The following NF1 variants were observed in gnomAD, a reference collection of about 807,000 sequenced individuals.
NF1 encodes the protein neurofibromin 1.
Under a neutral mutation model 325.7 loss-of-function variants are expected in NF1, and 122 were observed. The ratio of observed to expected loss-of-function variants is 0.37; its 90% confidence interval spans 0.32 to 0.44. The LOEUF (loss-of-function observed/expected upper bound fraction) is 0.44, where lower values mean the gene tolerates loss of function less well. Among genes scored for constraint, NF1 ranks in the 20% least tolerant of loss-of-function variants. The pLI is 1.00. For missense variants in NF1, 2,140 were observed against 3,415.4 expected (o/e 0.63, Z 9.31); for synonymous variants, 1,091 against 1,186.0 (o/e 0.92, Z 1.65).
intron 48 of NF1, among the ~76,000 whole-genome samples, chr17:31,348,138 G>C (rs1432573112): frequency 1.3e-5 from 1 of 78,972 alleles, no homozygotes; most frequent in Non-Finnish European, 2.7e-5. Flanking sequence ...AGTCTGATAT[G>C]AGGAAGGAAA....
intron 36 of NF1, chr17:31,318,307 CCTAT>C: frequency 1.2e-6 from 2 of 1,604,096 alleles, no homozygotes; most frequent in Non-Finnish European, 8.5e-7. Flanking sequence ...TCTTCACTAA[CCTAT>C]CTGTTTGTTA....
chr17:31,251,200 C>T (rs1206842189), intron 30 of NF1: 1 of 203,340 alleles, frequency 4.9e-6, no homozygotes. Context: ...TTTTCTTGCC[C>T]CTTTGCCTTT....
intron 36 of NF1, among the ~76,000 whole-genome samples, chr17:31,291,493 A>G (rs570810520): frequency 6.6e-6 from 1 of 152,332 alleles, no homozygotes; most frequent in Admixed American, 6.5e-5. Context: ...AAGATTGGCA[A>G]TAGTGGGCAT....
intron 13 of NF1, among the ~76,000 whole-genome samples, chr17:31,218,303 G>C (rs916835774): frequency 6.6e-6 from 1 of 152,114 alleles, no homozygotes; most frequent in East Asian, 1.9e-4. Flanking sequence ...ATGGGAATTC[G>C]TGGTTTTTGT....
At chr17:31,221,710 T>G in intron 14 of NF1, 140 bp from the exon 15 acceptor site, 1 of 659,710 alleles carries the variant, frequency 1.5e-6, no homozygotes, top group South Asian at 1.8e-5. Flanking sequence ...TTCTCTCTTT[T>G]TACCTTTTAC....
intron 12 of NF1, among the ~76,000 whole-genome samples, chr17:31,210,254 T>C (rs1361990158): frequency 6.6e-6 from 1 of 152,144 alleles, no homozygotes; most frequent in Non-Finnish European, 1.5e-5. Context: ...GCAGAATGAA[T>C]GAAGGAATGA....
chr17:31,108,590 A>G (rs766660259), intron 1 of NF1, among the ~76,000 whole-genome samples: 6 of 152,156 alleles, frequency 3.9e-5, no homozygotes, highest in Non-Finnish European at 7.4e-5. Context: ...GAGATGTTAT[A>G]AATTAATCCT....
chr17:31,275,149 A>G (rs188926429), intron 36 of NF1, among the ~76,000 whole-genome samples: 53 of 152,320 alleles, frequency 3.5e-4, no homozygotes, highest in African/African-American at 1.2e-3. Context: ...CCAACTTTGT[A>G]TCTTTGTGCA....
intron 36 of NF1, among the ~76,000 whole-genome samples, chr17:31,283,743 G>T (rs149921858): frequency 6.6e-6 from 1 of 152,052 alleles, no homozygotes; most frequent in Non-Finnish European, 1.5e-5. Context: ...CCACCTTGGC[G>T]TCCCAAAGTG....
At chr17:31,327,439 G>T in intron 37 of NF1, 60 bp from the exon 38 acceptor site, 1 of 1,377,818 alleles carries the variant, frequency 7.3e-7, no homozygotes, top group Non-Finnish European at 1.0e-6. Context: ...GAGCCTTTTA[G>T]AATTTTATGT....
chr17:31,352,595 G>A (rs1431030967), intron 51 of NF1, among the ~76,000 whole-genome samples, 181 bp downstream of exon 51: 1 of 152,142 alleles, frequency 6.6e-6, no homozygotes, highest in African/African-American at 2.4e-5. Flanking sequence ...TTGAGATAGA[G>A]AAATGAGAAT....
intron 15 of NF1, among the ~76,000 whole-genome samples, chr17:31,223,215 CAT>C (rs1172712859): frequency 1.3e-5 from 2 of 152,100 alleles, no homozygotes; most frequent in Non-Finnish European, 2.9e-5. Context: ...TTTAATGAAA[CAT>C]AGGGGGCTTA....
chr17:31,351,099 A>G (rs2070130397), intron 50 of NF1, among the ~76,000 whole-genome samples: 2 of 151,718 alleles, frequency 1.3e-5, no homozygotes, highest in African/African-American at 4.9e-5. Flanking sequence ...TTACTTTGAG[A>G]TATGCCCTTT....
intron 57 of NF1, among the ~76,000 whole-genome samples, chr17:31,372,255 G>T (rs940592556): frequency 6.6e-6 from 1 of 151,990 alleles, no homozygotes; most frequent in South Asian, 2.1e-4. Context: ...CCAGCCCTAC[G>T]CCCTCTCCCC....
chr17:31,325,078 C>A (rs2069307832), intron 36 of NF1, among the ~76,000 whole-genome samples: 1 of 152,110 alleles, frequency 6.6e-6, no homozygotes, highest in Non-Finnish European at 1.5e-5. Context: ...TGGTTTTAAG[C>A]AACATATGAC....
chr17:31,109,647 G>A (rs756463366), intron 1 of NF1, among the ~76,000 whole-genome samples: 1 of 152,050 alleles, frequency 6.6e-6, no homozygotes, highest in Non-Finnish European at 1.5e-5. Context: ...GCCTCCCAAA[G>A]TGCTAGGATT....
intron 4 of NF1, among the ~76,000 whole-genome samples, chr17:31,164,972 A>G (rs564604780): frequency 6.6e-6 from 1 of 152,320 alleles, no homozygotes; most frequent in South Asian, 2.1e-4. Context: ...AGGAGGGTGG[A>G]AAATTGTATT....
In NF1 at chr17:31,350,233, A is replaced by G; in HGVS notation, c.7372A>G (p.Arg2458Gly). ...EVRSRCSLKH[R>G]KSLLLTDISM... ...TCGAAGTCGCTGCAGCCTAAAACAT[A>G]GAAAGTCACTTCTTCTTACTGATAT... Residue 2458 changes from arginine to glycine, a missense_variant, in exon 50 of 58, where the codon AGA (arginine) becomes GGA (glycine). Physicochemically the swap from Arg to Gly is moderately radical, Grantham distance 125 (BLOSUM62 -2). Coordinates refer to ENST00000358273, the MANE Select transcript of NF1 (RefSeq NM_001042492.3). The G allele has an allele frequency of 6.2e-7, 1 of 1,613,966 alleles. No homozygotes were observed. Among genetic ancestry groups the G allele is most frequent in the South Asian group, 1.1e-5 (1 of 91,080 alleles).
At chr17:31,260,575 A>G (rs1445809262) in intron 34 of NF1, 60 bp downstream of exon 34, 1 of 1,572,832 alleles carries the variant, frequency 6.4e-7, no homozygotes, top group Non-Finnish European at 8.7e-7. Flanking sequence ...GATTAATACA[A>G]TTATTGGTCA....
Sources: allele counts gnomAD v4.1 joint callset (sites outside exome capture counted in the v4.1 genomes callset), GRCh38; gene constraint gnomAD v4.1.1; transcripts MANE v1.5; gene names NCBI Gene and HGNC (gene_info 2026-07-23, HGNC 2026-07-21).